TRIP13: variants seen among roughly 807,000 people sequenced by gnomAD.
TRIP13 encodes the protein thyroid hormone receptor interactor 13.
Under a neutral mutation model 54.4 loss-of-function variants are expected in TRIP13, and 25 were observed. The observed-to-expected ratio is 0.46, with a 90% CI of 0.33 to 0.64. The LOEUF (loss-of-function observed/expected upper bound fraction) is 0.64, where lower values mean the gene tolerates loss of function less well. Among genes scored for constraint, TRIP13 ranks in the 30% least tolerant of loss-of-function variants. TRIP13 has a pLI of 0.02. For synonymous variants in TRIP13, 207 were observed against 207.8 expected (o/e 1.00, Z 0.03); for missense variants, 373 against 534.2 (o/e 0.70, Z 2.97).
chr5:895,403 G>A (rs973238275), intron 2 of TRIP13, among the ~76,000 whole-genome samples: 5 of 152,160 alleles, frequency 3.3e-5, no homozygotes, highest in African/African-American at 1.2e-4. Context: ...ATGCGTATGG[G>A]TTAGAGGAGC....
At chr5:905,892 A>T (rs944799120) in intron 6 of TRIP13, among the ~76,000 whole-genome samples, 111 of 152,348 alleles carry the variant, frequency 7.3e-4, no homozygotes, top group African/African-American at 2.6e-3. Context: ...CTTTGCTTTG[A>T]CATATTGAAA....
chr5:896,602 G>A, intron 2 of TRIP13, 63 bp from the exon 3 acceptor site: 4 of 1,547,156 alleles, frequency 2.6e-6, no homozygotes, highest in Admixed American at 1.8e-5. Context: ...CATCTAATTT[G>A]TATGGTTGCA....
Position 917,081 on chromosome 5 carries a change from A to G in TRIP13, c.1277A>G (p.Lys426Arg). ...LAVDKQFEER[K>R]KLAAYI ...GTGGACAAGCAGTTTGAAGAGAGAA[A>G]GAAGCTTGCAGCTTACATCTGATCC... Residue 426 changes from lysine to arginine, a missense_variant, in exon 13 of 13, where the codon AAG (lysine) becomes AGG (arginine). Lys to Arg is a conservative substitution (Grantham distance 26). Around this residue, in one of 4 missense-constraint regions of TRIP13, gnomAD observed 101 missense variants for 138.5 expected, o/e 0.73. Coordinates refer to ENST00000166345, the MANE Select transcript of TRIP13 (RefSeq NM_004237.4). The G allele has an allele frequency of 6.2e-7, 1 of 1,614,140 alleles. No homozygotes were observed. Among genetic ancestry groups the G allele is most frequent in the Non-Finnish European group, 8.5e-7 (1 of 1,180,028 alleles).
rs1489259833 is a variant in TRIP13 at position 917,993 on chromosome 5, GTTACC to G, written c.*898_*902del. The G allele has an allele frequency of 6.6e-6, 1 of 152,272 alleles. No individual in the cohort carries two copies. The highest frequency in any genetic ancestry group is 2.4e-5 in the African/African-American group (1 of 41,548). The allele number at this position is 152,272 out of a possible 1,614,324, so 9.4% of individuals were successfully genotyped here. ...GTGAAATTCACTTTTGAAAGAACAT[GTTACC>G]TTACCTTTTGTTTTAGAAGTTTTCA... On this transcript the variant is annotated 3_prime_UTR_variant, in exon 13 of 13. Coordinates refer to ENST00000166345, the MANE Select transcript of TRIP13 (RefSeq NM_004237.4).
At chr5:893,191 G>A in intron 1 of TRIP13, 101 bp downstream of exon 1, 2 of 1,101,800 alleles carry the variant, frequency 1.8e-6, no homozygotes, top group Non-Finnish European at 1.3e-6. Flanking sequence ...TGATGCGACC[G>A]AACCCCAGGG....
intron 6 of TRIP13, among the ~76,000 whole-genome samples, chr5:905,041 G>A (rs999443114): frequency 6.6e-6 from 1 of 152,124 alleles, no homozygotes; most frequent in African/African-American, 2.4e-5. Flanking sequence ...TGAACATTGT[G>A]ATCTGAAGTG....
chr5:892,904 G>T lies in TRIP13; in HGVS notation c.-95G>T. The T allele has an allele frequency of 1.3e-5, 16 of 1,249,826 alleles. No homozygotes were observed. The highest frequency in any genetic ancestry group is 1.7e-5 in the Non-Finnish European group (16 of 949,996). 77.4% of individuals were successfully genotyped at this position (1,249,826 alleles called of 1,614,324 possible). ...GCGGCAGATTCGAAGCTAGGGCGGG[G>T]CCCGCGGGCTGAGGCAGCGGCTGTG... On this transcript the variant is annotated 5_prime_UTR_variant, in exon 1 of 13. Coordinates refer to ENST00000166345, the MANE Select transcript of TRIP13 (RefSeq NM_004237.4).
intron 4 of TRIP13, 96 bp from the exon 5 acceptor site, chr5:901,245 T>C (rs1446748938): frequency 1.8e-6 from 2 of 1,104,556 alleles, no homozygotes; most frequent in Admixed American, 2.2e-5. Context: ...GTGCTCCCTC[T>C]TCTCATGTAG....
intron 2 of TRIP13, among the ~76,000 whole-genome samples, 186 bp from the exon 3 acceptor site, chr5:896,479 T>A (rs2049005157): frequency 6.6e-6 from 1 of 152,202 alleles, no homozygotes; most frequent in Non-Finnish European, 1.5e-5. Flanking sequence ...GGGATGGGTA[T>A]TAGCTTTCAA....
Position 912,783 on chromosome 5 carries a change from G to T in TRIP13, c.1020+787G>T, listed in dbSNP as rs188633847. Among the ~76,000 whole-genome samples, 13 of 152,340 alleles carry T rather than the reference G, an allele frequency of 8.5e-5. No individual in the cohort carries two copies. In the East Asian group the frequency reaches 2.1e-3, roughly 25 times the overall value. ...TCAGGCTAGCAGGGACCTGCCCCATGCTTGTGTTTCTGCTGCTCTAGCCCC... is the reference window on the plus strand; with the variant it reads ...TCAGGCTAGCAGGGACCTGCCCCATTCTTGTGTTTCTGCTGCTCTAGCCCC... On this transcript the variant is annotated intron_variant, in intron 10 of 12. Coordinates refer to ENST00000166345, the MANE Select transcript of TRIP13 (RefSeq NM_004237.4). This position sits in a 1 kb window ranked among gnomAD's most constrained non-coding sequence, Gnocchi z 7.2.
At chr5:904,874 G>A (rs555173554) in intron 6 of TRIP13, among the ~76,000 whole-genome samples, 72 of 152,130 alleles carry the variant, frequency 4.7e-4, no homozygotes, top group Middle Eastern at 3.4e-3. Context: ...TCTCGTTCAC[G>A]TCTTGAACAA....
In TRIP13 at chr5:904,280, GT is replaced by G. The variant is rs369501889; in HGVS notation, c.608+73del. On this transcript the variant is annotated intron_variant, in intron 6 of 12. Coordinates refer to ENST00000166345, the MANE Select transcript of TRIP13 (RefSeq NM_004237.4). ...GGAATGGGATTTATAACGGGAGGTTGTTTTTTTTTTTTTCTAAATCATTTTA... is the reference window on the plus strand; with the variant it reads ...GGAATGGGATTTATAACGGGAGGTTGTTTTTTTTTTTTCTAAATCATTTTA... 0.031 allele frequency: 34,865 copies of G among 1,108,452 alleles called. 879 individuals are homozygous for G. Among genetic ancestry groups the G allele is most frequent in the African/African-American group, 0.21 (12,565 of 60,690 alleles). The allele number at this position is 1,108,452 out of a possible 1,614,324, so 68.7% of individuals were successfully genotyped here. A position where few individuals can be genotyped will look rare whatever the true frequency, so the allele number is the denominator to read the frequency against.
At position 896,672 on chromosome 5, in the gene TRIP13, A is replaced by T. The variant is rs772738193; in HGVS notation, c.266A>T (p.Asp89Val). ...GCTTTTCCCTCATTTTAGCCCATCG[A>T]TTTGAGTGCATGCACTGTTGCACTT... Reference protein sequence around the residue: ...ELKVKDSQPIDLSACTVALHI... With the variant: ...ELKVKDSQPIVLSACTVALHI... The change falls in exon 3 of 13, where the codon GAT becomes GTT. Residue 89 changes from aspartate (D) to valine (V), a missense_variant. Coordinates refer to ENST00000166345, the MANE Select transcript of TRIP13 (RefSeq NM_004237.4). 1.2e-6 allele frequency: 2 copies of T among 1,608,896 alleles called. No homozygotes were observed. The highest frequency in any genetic ancestry group is 2.2e-5 in the South Asian group (2 of 90,318).
intron 1 of TRIP13, among the ~76,000 whole-genome samples, 159 bp from the exon 2 acceptor site, chr5:894,628 A>G (rs894994957): frequency 6.6e-6 from 1 of 152,244 alleles, no homozygotes; most frequent in Non-Finnish European, 1.5e-5. Flanking sequence ...CCCACAGGCA[A>G]GGGGTGGCTC....
chr5:900,749 A>G (rs1027848276), intron 4 of TRIP13, among the ~76,000 whole-genome samples, 200 bp downstream of exon 4: 1 of 152,198 alleles, frequency 6.6e-6, no homozygotes, highest in Non-Finnish European at 1.5e-5. Context: ...CTGAGGGAGA[A>G]GAGGGAAAGG....
rs1475019401 is a variant in TRIP13 at position 911,027 on chromosome 5, G to T, written c.867-816G>T. 6.6e-6 allele frequency among the ~76,000 whole-genome samples: 1 copy of T among 152,246 alleles called. No homozygotes were observed. Among genetic ancestry groups the T allele is most frequent in the Non-Finnish European group, 1.5e-5 (1 of 68,036 alleles). ...CAGCCACGCCCCCCAGGCCTGTGCA[G>T]CATGCTCCCTGGGGGCACCTTGTGC... On this transcript the variant is annotated intron_variant, in intron 9 of 12. Transcript: ENST00000166345. The surrounding 1 kb of genome is among the most constrained non-coding windows in gnomAD (Gnocchi z 4.7).
rs1449516612 is a variant in TRIP13 at position 918,081 on chromosome 5, G to A, written c.*978G>A. On this transcript the variant is annotated 3_prime_UTR_variant, in exon 13 of 13. Transcript: ENST00000166345. The surrounding 1 kb of genome is among the most constrained non-coding windows in gnomAD (Gnocchi z 4.3). ...TTGATTCTAAGTATCTCTTCCAAGT[G>A]CTTTTAATTTTACTAAAAATTACTC... 1.3e-5 allele frequency: 2 copies of A among 152,068 alleles called. No homozygotes were observed. The highest frequency in any genetic ancestry group is 2.4e-5 in the African/African-American group (1 of 41,402). The allele number at this position is 152,068 out of a possible 1,614,324, so 9.4% of individuals were successfully genotyped here.
rs368867515 is a variant in TRIP13 at position 895,012 on chromosome 5, G to A, written c.258+60G>A. ...AGCTGAATACAAAAGGTTGTATCAT[G>A]AATGTCTTGCCGTTTTCATAGCCTG... On this transcript the variant is annotated intron_variant, in intron 2 of 12. Coordinates refer to ENST00000166345, the MANE Select transcript of TRIP13 (RefSeq NM_004237.4). 196 of 1,514,568 alleles carry A rather than the reference G, an allele frequency of 1.3e-4. 1 individual carries two copies. The South Asian group carries it at 2.4e-3, about 19-fold the overall frequency. The allele number at this position is 1,514,568 out of a possible 1,614,324, so 93.8% of individuals were successfully genotyped here. A position where few individuals can be genotyped will look rare whatever the true frequency, so the allele number is the denominator to read the frequency against.
intron 3 of TRIP13, 67 bp downstream of exon 3, chr5:896,861 A>T: frequency 6.6e-7 from 1 of 1,513,762 alleles, no homozygotes; most frequent in Non-Finnish European, 8.9e-7. Flanking sequence ...ATGCCATGTC[A>T]GTTCACAGGG....
Sources: allele counts gnomAD v4.1 joint callset (sites outside exome capture counted in the v4.1 genomes callset), GRCh38; gene constraint gnomAD v4.1.1; regional missense constraint gnomAD v4.1.1; non-coding constraint Gnocchi (gnomAD v3.1); transcripts MANE v1.5; gene names NCBI Gene and HGNC (gene_info 2026-07-23, HGNC 2026-07-21).